The following LAMA2 variants were observed in gnomAD, a reference collection of about 807,000 sequenced individuals.
LAMA2 encodes the protein laminin subunit alpha-2.
LAMA2 carries 269 observed loss-of-function variants against 364.8 expected under a neutral mutation model. The ratio of observed to expected loss-of-function variants is 0.74; its 90% CI spans 0.67 to 0.82. LAMA2 has a LOEUF of 0.82. LAMA2 is among the 40% of genes least tolerant of loss of function. The pLI is 0.00. For synonymous variants in LAMA2, 1,379 were observed against 1,370.6 expected (o/e 1.01, Z -0.14); for missense variants, 3,807 against 3,873.2 (o/e 0.98, Z 0.45).
chr6:129,232,418 T>A (rs970830772), intron 12 of LAMA2, among the ~76,000 whole-genome samples: 1 of 152,146 alleles, frequency 6.6e-6, no homozygotes, highest in African/African-American at 2.4e-5. Flanking sequence ...GGTGTTATAA[T>A]TTAATCTTCT....
chr6:129,496,571 G>A (rs1230293587), intron 58 of LAMA2, among the ~76,000 whole-genome samples: 1 of 152,112 alleles, frequency 6.6e-6, no homozygotes, highest in Non-Finnish European at 1.5e-5. Context: ...TTAGAAATCA[G>A]ATCATGAAGC....
intron 9 of LAMA2, 51 bp from the exon 10 acceptor site, chr6:129,177,655 A>G (rs375063830): frequency 2.5e-6 from 4 of 1,584,122 alleles, no homozygotes; most frequent in Non-Finnish European, 3.5e-6. Context: ...TTTAACAACT[A>G]AATTATGTAC....
At chr6:129,387,703 T>G (rs1467363832) in intron 35 of LAMA2, among the ~76,000 whole-genome samples, 1 of 152,190 alleles carries the variant, frequency 6.6e-6, no homozygotes, top group Non-Finnish European at 1.5e-5. Context: ...ATATACACCA[T>G]GGAATACTAT....
chr6:128,994,863 C>T (rs1230498663), intron 1 of LAMA2, among the ~76,000 whole-genome samples: 3 of 151,852 alleles, frequency 2.0e-5, no homozygotes, highest in Admixed American at 1.3e-4. Flanking sequence ...CTATATACCT[C>T]GGTGAATAAA....
intron 30 of LAMA2, among the ~76,000 whole-genome samples, chr6:129,348,979 A>G (rs1249726308): frequency 1.3e-5 from 2 of 152,198 alleles, no homozygotes; most frequent in Admixed American, 6.6e-5. Context: ...TCTTTTGATT[A>G]GTGAACAATA....
At chr6:129,257,653 A>G (rs1786797604) in intron 14 of LAMA2, among the ~76,000 whole-genome samples, 1 of 152,084 alleles carries the variant, frequency 6.6e-6, no homozygotes, top group South Asian at 2.1e-4. Context: ...ATAATCAACT[A>G]GTGTATCAAC....
chr6:129,075,365 T>C (rs892876098), intron 3 of LAMA2, among the ~76,000 whole-genome samples: 1 of 151,958 alleles, frequency 6.6e-6, no homozygotes, highest in African/African-American at 2.4e-5. Context: ...CTGAAGGGAG[T>C]AGTCAGTCAT....
chr6:129,343,863 A>G (rs1776401320), intron 30 of LAMA2, among the ~76,000 whole-genome samples: 1 of 152,164 alleles, frequency 6.6e-6, no homozygotes, highest in African/African-American at 2.4e-5. Flanking sequence ...TGGGTCTTAA[A>G]CAATTAATTT....
At chr6:128,908,504 C>T (rs1430111859) in intron 1 of LAMA2, among the ~76,000 whole-genome samples, 33 of 146,678 alleles carry the variant, frequency 2.2e-4, no homozygotes, top group South Asian at 1.1e-3. Flanking sequence ...TTTTTTATTG[C>T]GTCTATTTGA....
intron 4 of LAMA2, among the ~76,000 whole-genome samples, chr6:129,114,483 A>G (rs746181726): frequency 2.0e-5 from 3 of 152,116 alleles, no homozygotes; most frequent in Non-Finnish European, 4.4e-5. Flanking sequence ...TCCCTAAAGG[A>G]AAACTACAAA....
chr6:128,911,821 C>G (rs1160646723), intron 1 of LAMA2, among the ~76,000 whole-genome samples: 1 of 152,116 alleles, frequency 6.6e-6, no homozygotes, highest in Admixed American at 6.5e-5. Context: ...TTTTTGCTGT[C>G]TTCTTCCACA....
At chr6:129,120,302 C>A (rs1776733078) in intron 4 of LAMA2, among the ~76,000 whole-genome samples, 2 of 151,988 alleles carry the variant, frequency 1.3e-5, no homozygotes, top group South Asian at 4.2e-4. Flanking sequence ...TTATAAAAAT[C>A]CATAATGTAA....
intron 29 of LAMA2, among the ~76,000 whole-genome samples, chr6:129,339,755 A>G (rs1776154010): frequency 6.6e-6 from 1 of 152,210 alleles, no homozygotes; most frequent in Non-Finnish European, 1.5e-5. Context: ...CTGTAATCCC[A>G]ACACTTTGGG....
At chr6:129,142,030 C>G (rs1324129751) in intron 4 of LAMA2, among the ~76,000 whole-genome samples, 3 of 152,042 alleles carry the variant, frequency 2.0e-5, no homozygotes, top group Non-Finnish European at 4.4e-5. Context: ...TTCTTCCTAT[C>G]TGTATGTTGA....
intron 12 of LAMA2, among the ~76,000 whole-genome samples, chr6:129,226,996 A>C (rs987445104): frequency 1.3e-5 from 2 of 152,180 alleles, no homozygotes; most frequent in Non-Finnish European, 2.9e-5. Flanking sequence ...GTCTTTTCAC[A>C]TAGTCCCATA....
At chr6:129,470,741 G>C (rs550870690) in intron 51 of LAMA2, among the ~76,000 whole-genome samples, 2 of 152,000 alleles carry the variant, frequency 1.3e-5, no homozygotes, top group Non-Finnish European at 2.9e-5. Flanking sequence ...AGTAGTGGGA[G>C]AGGAATTGAA....
chr6:129,184,515 A>G (rs1288649936), intron 10 of LAMA2, among the ~76,000 whole-genome samples: 4 of 151,834 alleles, frequency 2.6e-5, no homozygotes, highest in Non-Finnish European at 4.4e-5. Context: ...TAAAGCAAGA[A>G]TTCTGCTAAG....
intron 1 of LAMA2, among the ~76,000 whole-genome samples, chr6:129,046,835 C>G (rs1391587370): frequency 6.6e-6 from 1 of 152,120 alleles, no homozygotes; most frequent in African/African-American, 2.4e-5. Context: ...TTCATTTTCC[C>G]TAACAGATAA....
chr6:129,278,160 C>G (rs1042904504), intron 17 of LAMA2, among the ~76,000 whole-genome samples: 4 of 152,122 alleles, frequency 2.6e-5, no homozygotes, highest in African/African-American at 9.7e-5. Flanking sequence ...CAAGATTGCA[C>G]CACTGCACTC....
Sources: gnomAD v4.1 joint callset for allele counts (sites outside exome capture counted in the v4.1 genomes callset) on GRCh38, gnomAD v4.1.1 for gene constraint, MANE v1.5 for transcripts, NCBI Gene and HGNC (gene_info 2026-07-23, HGNC 2026-07-21) for gene names.